SIMC1: variants seen among roughly 807,000 people sequenced by gnomAD.
SIMC1 encodes the protein SUMO interacting motifs containing 1.
A neutral mutation model predicts 82.3 loss-of-function variants in SIMC1; 55 were observed. The ratio of observed to expected loss-of-function variants is 0.67; its 90% CI spans 0.54 to 0.84. The LOEUF (loss-of-function observed/expected upper bound fraction) is 0.84. Ranked by LOEUF, SIMC1 falls within the 40% of genes least tolerant of loss-of-function variation. The pLI is 0.00. For synonymous variants in SIMC1, 353 were observed against 426.3 expected (o/e 0.83, Z 2.12); for missense variants, 915 against 1,107.2 (o/e 0.83, Z 2.46).
chr5:176,243,722 T>C (rs1162980505), intron 1 of SIMC1, among the ~76,000 whole-genome samples: 2 of 152,108 alleles, frequency 1.3e-5, no homozygotes, highest in African/African-American at 2.4e-5. Flanking sequence ...GGTTTCACCA[T>C]GTTGGCCAGG....
At chr5:176,279,418 A>C (rs577995683) in intron 1 of SIMC1, among the ~76,000 whole-genome samples, 5 of 151,816 alleles carry the variant, frequency 3.3e-5, no homozygotes, top group Non-Finnish European at 7.4e-5. Context: ...TCGTTTCAAA[A>C]AACCAGCTTC....
intron 1 of SIMC1, among the ~76,000 whole-genome samples, chr5:176,254,064 A>G (rs184267006): frequency 1.3e-5 from 2 of 152,296 alleles, no homozygotes; most frequent in Non-Finnish European, 2.9e-5. Flanking sequence ...AAATTTCCTT[A>G]TCTAACTAAT....
chr5:176,260,248 C>T (rs1761971177), intron 1 of SIMC1, among the ~76,000 whole-genome samples: 1 of 152,038 alleles, frequency 6.6e-6, no homozygotes, highest in South Asian at 2.1e-4. Flanking sequence ...TGTTCTCCCT[C>T]ATAAGTGGGA....
chr5:176,309,132 A>T (rs2113333004), intron 4 of SIMC1: 1 of 625,032 alleles, frequency 1.6e-6, no homozygotes, highest in Non-Finnish European at 2.8e-6. Flanking sequence ...ACTTACTATA[A>T]AGCTGTAGTA....
intron 2 of SIMC1, among the ~76,000 whole-genome samples, chr5:176,291,527 G>A (rs550415997): frequency 1.3e-5 from 2 of 151,922 alleles, no homozygotes; most frequent in Non-Finnish European, 2.9e-5. Context: ...TAGTAGAGAC[G>A]GGGTTTCACA....
intron 1 of SIMC1, among the ~76,000 whole-genome samples, chr5:176,272,645 C>T (rs1308930480): frequency 2.0e-5 from 3 of 152,172 alleles, no homozygotes; most frequent in South Asian, 2.1e-4. Context: ...GGCTTTGCCT[C>T]GCCTGAGAAG....
At chr5:176,253,474 A>G (rs546748231) in intron 1 of SIMC1, among the ~76,000 whole-genome samples, 33 of 152,162 alleles carry the variant, frequency 2.2e-4, no homozygotes, top group African/African-American at 7.5e-4. Context: ...TCAGCCTCCC[A>G]AAGTTCTGGG....
intron 4 of SIMC1, among the ~76,000 whole-genome samples, chr5:176,307,079 G>A (rs1398515868): frequency 6.6e-6 from 1 of 152,086 alleles, no homozygotes; most frequent in Non-Finnish European, 1.5e-5. Context: ...GTTATTAGAG[G>A]TATGCAAATC....
chr5:176,280,682 C>A (rs1762959639), intron 1 of SIMC1, among the ~76,000 whole-genome samples: 2 of 152,070 alleles, frequency 1.3e-5, no homozygotes, highest in Non-Finnish European at 2.9e-5. Flanking sequence ...TTTTATTTCT[C>A]TTTCACTTAT....
chr5:176,285,103 T>G (rs2113237395), intron 1 of SIMC1, among the ~76,000 whole-genome samples: 1 of 152,222 alleles, frequency 6.6e-6, no homozygotes, highest in African/African-American at 2.4e-5. Context: ...TTCCAATTGA[T>G]AGAAAAAGAG....
intron 5 of SIMC1, among the ~76,000 whole-genome samples, chr5:176,319,366 C>T (rs1765058975): frequency 6.6e-6 from 1 of 152,030 alleles, no homozygotes; most frequent in South Asian, 2.1e-4. Context: ...TCTGTGTCTT[C>T]CTTATTAAAA....
chr5:176,296,515 A>G, intron 4 of SIMC1, 195 bp downstream of exon 4: 1 of 678,234 alleles, frequency 1.5e-6, no homozygotes, highest in Non-Finnish European at 2.5e-6. Flanking sequence ...ATAAAAATAA[A>G]ATATTTAGCC....
chr5:176,303,935 A>C (rs1360408982), intron 4 of SIMC1, among the ~76,000 whole-genome samples: 1 of 152,228 alleles, frequency 6.6e-6, no homozygotes, highest in Non-Finnish European at 1.5e-5. Context: ...TATAAGACCC[A>C]AATCTATAAA....
chr5:176,246,900 G>T (rs1302984772), intron 1 of SIMC1, among the ~76,000 whole-genome samples: 1 of 151,984 alleles, frequency 6.6e-6, no homozygotes, highest in Non-Finnish European at 1.5e-5. Flanking sequence ...GAGAATGATG[G>T]TTTCCAGCTT....
At chr5:176,303,199 C>A (rs1291520266) in intron 4 of SIMC1, among the ~76,000 whole-genome samples, 1 of 147,254 alleles carries the variant, frequency 6.8e-6, no homozygotes, top group Admixed American at 6.9e-5. Context: ...ACTCGGGAGG[C>A]AGAGGTTGCA....
intron 9 of SIMC1, among the ~76,000 whole-genome samples, chr5:176,342,266 T>C (rs1766182716): frequency 2.0e-5 from 3 of 152,158 alleles, no homozygotes; most frequent in East Asian, 3.8e-4. Context: ...TATTTCCCTA[T>C]TTACAACCCT....
At chr5:176,267,733 G>GTTTTTTTT (rs1159766316) in intron 1 of SIMC1, among the ~76,000 whole-genome samples, 1 of 27,234 alleles carries the variant, frequency 3.7e-5, no homozygotes, top group Non-Finnish European at 5.6e-5. Context: ...TTTTCTTTCT[G>GTTTTTTTT]TTTTTTTTTT....
Position 176,322,199 on chromosome 5 carries a change from C to A in SIMC1, c.1890-74C>A, listed in dbSNP as rs1442437385. The A allele has an allele frequency of 3.6e-5, 53 of 1,471,034 alleles. No individual in the cohort carries two copies. In the Middle Eastern group the frequency reaches 1.2e-3, roughly 33 times the overall value. 91.1% of individuals were successfully genotyped at this position (1,471,034 alleles called of 1,614,324 possible). A position where few individuals can be genotyped will look rare whatever the true frequency, so the allele number is the denominator to read the frequency against. ...CCATAAATACAACAGACATGGAAAC[C>A]TTTTCTTTCTTTATTTTTTTTTTCT... On this transcript the variant is annotated intron_variant, in intron 5 of 9. Transcript: ENST00000429602.
chr5:176,280,713 A>G (rs1762961863), intron 1 of SIMC1, among the ~76,000 whole-genome samples: 2 of 152,134 alleles, frequency 1.3e-5, no homozygotes, highest in African/African-American at 4.8e-5. Context: ...TTGGCTGGAT[A>G]TGAAATTCTG....
Sources: allele counts gnomAD v4.1 joint callset (sites outside exome capture counted in the v4.1 genomes callset), GRCh38; gene constraint gnomAD v4.1.1; transcripts MANE v1.5; gene names NCBI Gene and HGNC (gene_info 2026-07-23, HGNC 2026-07-21).